Variants in NMNAT3 observed in about 807,000 individuals in gnomAD.
NMNAT3 encodes nicotinamide nucleotide adenylyltransferase 3.
NMNAT3 carries 21 observed loss-of-function variants against 24.8 expected under a neutral mutation model. The observed-to-expected ratio is 0.85, with a 90% confidence interval of 0.60 to 1.22. NMNAT3 has a LOEUF of 1.22. NMNAT3 is among the 50% of genes most tolerant of loss of function. The pLI, the probability that NMNAT3 is intolerant of heterozygous loss-of-function variation, is 0.00. For missense variants in NMNAT3, 387 were observed against 436.6 expected (o/e 0.89, Z 1.01); for synonymous variants, 136 against 155.2 (o/e 0.88, Z 0.92).
At chr3:139,590,841 C>T (rs1215807855) in intron 3 of NMNAT3, among the ~76,000 whole-genome samples, 2 of 152,020 alleles carry the variant, frequency 1.3e-5, no homozygotes, top group African/African-American at 4.8e-5. Context: ...TTTAATTCTT[C>T]TTTATTTAGA....
chr3:139,614,625 C>T (rs1292145105), intron 3 of NMNAT3, among the ~76,000 whole-genome samples: 1 of 152,240 alleles, frequency 6.6e-6, no homozygotes, highest in Non-Finnish European at 1.5e-5. Context: ...GTACAGGGTA[C>T]GCCCTTCTGG....
chr3:139,569,213 C>T (rs1359829906), intron 6 of NMNAT3: 2 of 151,978 alleles, frequency 1.3e-5, no homozygotes, highest in South Asian at 2.1e-4. Flanking sequence ...TCCTCCATCC[C>T]TTTATTTTGA....
intron 1 of NMNAT3, among the ~76,000 whole-genome samples, chr3:139,644,859 G>A (rs964551340): frequency 2.6e-5 from 4 of 152,120 alleles, no homozygotes; most frequent in Non-Finnish European, 5.9e-5. Flanking sequence ...GACACAGAAG[G>A]CTTGTAATCA....
intron 1 of NMNAT3, among the ~76,000 whole-genome samples, chr3:139,651,724 CAG>C (rs550145254): frequency 4.2e-4 from 64 of 152,304 alleles, no homozygotes; most frequent in African/African-American, 1.5e-3. Flanking sequence ...CTCCTGGTCT[CAG>C]GGTCCCAGGC....
chr3:139,639,575 A>G (rs545195391), intron 1 of NMNAT3, among the ~76,000 whole-genome samples: 13 of 152,336 alleles, frequency 8.5e-5, no homozygotes, highest in African/African-American at 2.6e-4. Context: ...ATCTTCTCCC[A>G]TAACACAATC....
intron 3 of NMNAT3, among the ~76,000 whole-genome samples, chr3:139,611,955 G>T (rs1459159402): frequency 1.3e-5 from 2 of 152,158 alleles, no homozygotes; most frequent in Non-Finnish European, 2.9e-5. Flanking sequence ...ATCACCGGAG[G>T]TCGGGAGTTC....
chr3:139,638,495 G>T lies in NMNAT3; in HGVS notation c.-140-433C>A, dbSNP rs139063097. Among the ~76,000 whole-genome samples, 9 of 152,244 alleles carry T rather than the reference G, an allele frequency of 5.9e-5. No individual in the cohort carries two copies. The East Asian group carries it at 1.7e-3, about 29-fold the overall frequency. Reference sequence around the variant, plus strand: ...GTATCAGGAAAATGCAGGAGCAATTGTTCGTAATGACATCAGGGGACAGCA... The same window carrying T: ...GTATCAGGAAAATGCAGGAGCAATTTTTCGTAATGACATCAGGGGACAGCA... On this transcript the variant is annotated intron_variant, in intron 1 of 6. Coordinates refer to ENST00000643695, the MANE Select transcript of NMNAT3 (RefSeq NM_001320510.2).
chr3:139,627,302 G>C (rs532621386), intron 3 of NMNAT3, among the ~76,000 whole-genome samples: 1 of 152,266 alleles, frequency 6.6e-6, no homozygotes, highest in African/African-American at 2.4e-5. Flanking sequence ...GTAGGTAGAT[G>C]TTGGGAGTAC....
At chr3:139,596,966 T>TATA (rs2054513522) in intron 3 of NMNAT3, among the ~76,000 whole-genome samples, 4 of 103,742 alleles carry the variant, frequency 3.9e-5, no homozygotes, top group African/African-American at 1.4e-4. Flanking sequence ...ATATATATAT[T>TATA]TTTATTACAT....
At chr3:139,592,560 A>G (rs1408165118) in intron 3 of NMNAT3, among the ~76,000 whole-genome samples, 4 of 152,228 alleles carry the variant, frequency 2.6e-5, no homozygotes, top group African/African-American at 9.7e-5. Flanking sequence ...TGTTAAGGGC[A>G]GCCAGAGAGA....
chr3:139,633,095 C>T (rs983877960), intron 2 of NMNAT3, among the ~76,000 whole-genome samples: 4 of 152,120 alleles, frequency 2.6e-5, no homozygotes, highest in African/African-American at 4.8e-5. Context: ...TGACTGTCCC[C>T]AGGACCTCTA....
At chr3:139,589,689 A>G (rs1690107816) in intron 3 of NMNAT3, among the ~76,000 whole-genome samples, 1 of 152,232 alleles carries the variant, frequency 6.6e-6, no homozygotes, top group South Asian at 2.1e-4. Flanking sequence ...TGGGCCACAT[A>G]CAAGCTTTGT....
At chr3:139,561,538 T>C (rs557380209) in intron 6 of NMNAT3, 146 bp from the exon 7 acceptor site, 7 of 725,412 alleles carry the variant, frequency 9.6e-6, no homozygotes, top group Non-Finnish European at 1.3e-5. Context: ...AGAAAAAGCA[T>C]GTAAATGAAT....
At chr3:139,619,769 G>A (rs1467328802) in intron 3 of NMNAT3, among the ~76,000 whole-genome samples, 1 of 152,140 alleles carries the variant, frequency 6.6e-6, no homozygotes, top group Admixed American at 6.5e-5. Context: ...CAAGCCAAGA[G>A]GAAGTTATAT....
chr3:139,626,221 TC>T (rs1181986476), intron 3 of NMNAT3, among the ~76,000 whole-genome samples: 1 of 152,146 alleles, frequency 6.6e-6, no homozygotes. Context: ...TCCTTTGTTT[TC>T]CCCTTCTGGG....
In NMNAT3 at chr3:139,568,642, C is replaced by T. The variant is rs1174973044; in HGVS notation, c.658+4956G>A. Reference sequence around the variant, plus strand: ...AGCAGGTTGTTCCGTTTCCATGTAGCTGAGCGGTTTTGAGTGAGTTTCTTA... The same window carrying T: ...AGCAGGTTGTTCCGTTTCCATGTAGTTGAGCGGTTTTGAGTGAGTTTCTTA... On this transcript the variant is annotated intron_variant, in intron 6 of 6. Coordinates refer to ENST00000643695, the MANE Select transcript of NMNAT3 (RefSeq NM_001320510.2). The T allele has an allele frequency of 1.1e-4, 17 of 152,210 alleles. 1 individual carries two copies. In the South Asian group the frequency reaches 1.7e-3, roughly 15 times the overall value. 9.4% of individuals were successfully genotyped at this position (152,210 alleles called of 1,614,324 possible). A position where few individuals can be genotyped will look rare whatever the true frequency, so the allele number is the denominator to read the frequency against.
intron 3 of NMNAT3, among the ~76,000 whole-genome samples, chr3:139,594,139 G>A (rs1324820647): frequency 1.3e-5 from 2 of 152,068 alleles, no homozygotes; most frequent in Non-Finnish European, 2.9e-5. Flanking sequence ...TATCACCACC[G>A]ATCCTACAGA....
chr3:139,674,570 A>C (rs1160837513), intron 1 of NMNAT3, among the ~76,000 whole-genome samples: 1 of 152,246 alleles, frequency 6.6e-6, no homozygotes, highest in Non-Finnish European at 1.5e-5. Flanking sequence ...AAAATACCTG[A>C]ACTTGAAAGG....
At chr3:139,638,816 A>G (rs939691228) in intron 1 of NMNAT3, among the ~76,000 whole-genome samples, 37 of 152,010 alleles carry the variant, frequency 2.4e-4, no homozygotes, top group African/African-American at 8.0e-4. Flanking sequence ...CTTCCCCACC[A>G]GTTTCACTCT....
Sources: allele counts gnomAD v4.1 joint callset (sites outside exome capture counted in the v4.1 genomes callset), GRCh38; gene constraint gnomAD v4.1.1; transcripts MANE v1.5; gene names NCBI Gene and HGNC (gene_info 2026-07-23, HGNC 2026-07-21).